Variants in ADGRB3 observed in about 807,000 individuals in gnomAD.
ADGRB3 encodes brain-specific angiogenesis inhibitor 3.
Under a neutral mutation model 193.4 loss-of-function variants are expected in ADGRB3, and 37 were observed. That is an observed-to-expected ratio of 0.19 (90% CI 0.15 to 0.25). ADGRB3 has a LOEUF of 0.25. ADGRB3 is among the 10% of genes least tolerant of loss of function. The pLI is 1.00. For synonymous variants in ADGRB3, 690 were observed against 644.2 expected, an observed-to-expected ratio of 1.07 and a Z score of -1.08; for missense variants, 1,637 against 1,852.9, an observed-to-expected ratio of 0.88 and a Z score of 2.14.
At chr6:68,864,753 G>A (rs512476) in intron 3 of ADGRB3, among the ~76,000 whole-genome samples, 68,050 of 151,940 alleles carry the variant, frequency 0.45, 16,571 homozygotes, top group East Asian at 0.6. Flanking sequence ...GGAGCTCCTG[G>A]GTTGAGCTAA....
At chr6:69,219,487 A>G (rs1022701120) in intron 17 of ADGRB3, among the ~76,000 whole-genome samples, 24 of 140,536 alleles carry the variant, frequency 1.7e-4, no homozygotes, top group African/African-American at 2.9e-4. Context: ...ATATATATAT[A>G]TATATACGTG....
intron 3 of ADGRB3, among the ~76,000 whole-genome samples, chr6:68,905,120 T>C (rs907908000): frequency 6.6e-6 from 1 of 152,188 alleles, no homozygotes; most frequent in African/African-American, 2.4e-5. Flanking sequence ...CTATATCTCA[T>C]ATTATCTGGC....
intron 3 of ADGRB3, among the ~76,000 whole-genome samples, chr6:68,854,904 A>G (rs1016758899): frequency 2.0e-5 from 3 of 152,134 alleles, no homozygotes; most frequent in African/African-American, 7.2e-5. Flanking sequence ...GGCCAAAGAT[A>G]TTCATGGAGA....
chr6:69,274,948 G>GTA (rs930874072), intron 20 of ADGRB3, among the ~76,000 whole-genome samples: 11 of 152,062 alleles, frequency 7.2e-5, no homozygotes, highest in African/African-American at 2.7e-4. Flanking sequence ...CCCTGTTTAG[G>GTA]ATTTTTCATT....
chr6:68,664,381 G>A (rs1768746278), intron 3 of ADGRB3, among the ~76,000 whole-genome samples: 1 of 151,702 alleles, frequency 6.6e-6, no homozygotes, highest in Non-Finnish European at 1.5e-5. Context: ...GGGGACTTTG[G>A]GTCACAATTA....
chr6:69,251,094 T>C (rs1766608482), intron 20 of ADGRB3, among the ~76,000 whole-genome samples: 1 of 152,216 alleles, frequency 6.6e-6, no homozygotes, highest in South Asian at 2.1e-4. Flanking sequence ...TTTGTACCTG[T>C]TGCCCTGGTG....
intron 3 of ADGRB3, among the ~76,000 whole-genome samples, chr6:68,797,536 G>C (rs60892917): frequency 6.6e-6 from 1 of 152,110 alleles, no homozygotes; most frequent in Non-Finnish European, 1.5e-5. Context: ...TTGGAAAGTA[G>C]GGAAGTCCAG....
chr6:68,877,237 G>T (rs949723986), intron 3 of ADGRB3, among the ~76,000 whole-genome samples: 1 of 151,268 alleles, frequency 6.6e-6, no homozygotes, highest in Non-Finnish European at 1.5e-5. Flanking sequence ...AATAATCTAC[G>T]TACTTTTTTT....
chr6:69,388,299 A>T (rs1770117044), intron 31 of ADGRB3, among the ~76,000 whole-genome samples: 1 of 152,100 alleles, frequency 6.6e-6, no homozygotes, highest in South Asian at 2.1e-4. Flanking sequence ...CCCATAAGAC[A>T]TTCTCAAATC....
chr6:68,723,401 C>T (rs948154454), intron 3 of ADGRB3, among the ~76,000 whole-genome samples: 1 of 151,734 alleles, frequency 6.6e-6, no homozygotes, highest in African/African-American at 2.4e-5. Context: ...CTTTTTATGA[C>T]TTCTGTCTTA....
intron 3 of ADGRB3, among the ~76,000 whole-genome samples, chr6:68,681,436 C>T (rs1182580476): frequency 2.0e-5 from 3 of 152,090 alleles, no homozygotes; most frequent in African/African-American, 4.8e-5. Context: ...TGTGCCACCA[C>T]ATCTGGCCAA....
intron 20 of ADGRB3, among the ~76,000 whole-genome samples, chr6:69,310,155 T>C (rs1451367532): frequency 2.6e-5 from 4 of 151,850 alleles, no homozygotes; most frequent in African/African-American, 9.7e-5. Flanking sequence ...TATTTTTGAC[T>C]TAATAGTCTT....
intron 3 of ADGRB3, among the ~76,000 whole-genome samples, chr6:68,895,083 A>G (rs977489439): frequency 6.6e-6 from 1 of 151,946 alleles, no homozygotes; most frequent in African/African-American, 2.4e-5. Flanking sequence ...AATAAATAAA[A>G]ATTCTAGAAC....
intron 13 of ADGRB3, among the ~76,000 whole-genome samples, chr6:69,031,565 T>TTCTTTCTTTCTTTCTCTCTCTCTCTC (rs1386913056): frequency 2.3e-5 from 3 of 129,012 alleles, no homozygotes; most frequent in Admixed American, 1.6e-4. Flanking sequence ...CTTTCTTTCT[T>TTCTTTCTTTCTTTCTCTCTCTCTCTC]TTCTTCCTCT....
chr6:69,097,938 A>G (rs1772930322), intron 17 of ADGRB3, among the ~76,000 whole-genome samples: 1 of 152,250 alleles, frequency 6.6e-6, no homozygotes, highest in African/African-American at 2.4e-5. Context: ...TTATGTTAGT[A>G]TGAAAACCAG....
rs376804616 is a variant in ADGRB3, at chr6:68,912,872, T to A, written c.758-17687T>A. On this transcript the variant is annotated intron_variant, in intron 3 of 31. Coordinates refer to ENST00000370598, the MANE Select transcript of ADGRB3 (RefSeq NM_001704.3). ...CACTCCCACCCTAATACTGCGCTTT[T>A]CCGATGGGCTTAAAAAACGGCGCAC... Among the ~76,000 whole-genome samples the A allele has an allele frequency of 1.2e-4, 19 of 152,210 alleles. No individual in the cohort carries two copies. The East Asian group carries it at 2.9e-3, about 23-fold the overall frequency.
chr6:69,219,487 A>ATATATATATATATATATATATATG (rs1455210313), intron 17 of ADGRB3, among the ~76,000 whole-genome samples: 1 of 140,524 alleles, frequency 7.1e-6, no homozygotes, highest in Non-Finnish European at 1.6e-5. Flanking sequence ...ATATATATAT[A>ATATATATATATATATATATATATG]TATATACGTG....
intron 20 of ADGRB3, among the ~76,000 whole-genome samples, chr6:69,257,208 C>A (rs1479450865): frequency 6.6e-6 from 1 of 152,158 alleles, no homozygotes; most frequent in African/African-American, 2.4e-5. Context: ...CAGAATGATG[C>A]TGGCCTCATA....
chr6:68,656,370 A>G (rs530341672), intron 3 of ADGRB3, among the ~76,000 whole-genome samples: 1 of 151,702 alleles, frequency 6.6e-6, no homozygotes, highest in South Asian at 2.1e-4. Flanking sequence ...GGCAAGTCAC[A>G]TAATCTCTTA....
Sources: allele counts gnomAD v4.1 joint callset (sites outside exome capture counted in the v4.1 genomes callset), GRCh38; gene constraint gnomAD v4.1.1; transcripts MANE v1.5; gene names NCBI Gene and HGNC (gene_info 2026-07-23, HGNC 2026-07-21).